ADCY10: variants seen among roughly 807,000 people sequenced by gnomAD.
ADCY10 encodes adenylate cyclase type 10.
ADCY10 carries 156 observed loss-of-function variants against 183.3 expected under a neutral mutation model. The observed-to-expected ratio is 0.85, with a 90% confidence interval of 0.75 to 0.97. The LOEUF is 0.97. Among genes scored for constraint, ADCY10 ranks in the 50% least tolerant of loss-of-function variants. The pLI is 0.00. For missense variants in ADCY10, 1,745 were observed against 1,934.3 expected (o/e 0.90, Z 1.84); for synonymous variants, 645 against 670.0 (o/e 0.96, Z 0.58).
intron 31 of ADCY10, among the ~76,000 whole-genome samples, chr1:167,814,928 C>G (rs976910938): frequency 2.0e-5 from 3 of 152,122 alleles, no homozygotes; most frequent in Non-Finnish European, 2.9e-5. Flanking sequence ...GAGTTCAGGA[C>G]CAGCCTGGCC....
intron 17 of ADCY10, 144 bp downstream of exon 17, chr1:167,856,021 A>G: frequency 1.1e-6 from 1 of 931,996 alleles, no homozygotes; most frequent in Non-Finnish European, 1.6e-6. Flanking sequence ...ACAGAAAAAA[A>G]GAAAAGAAAA....
intron 32 of ADCY10, among the ~76,000 whole-genome samples, chr1:167,810,304 C>G (rs1364379583): frequency 1.3e-5 from 2 of 152,138 alleles, no homozygotes; most frequent in Non-Finnish European, 1.5e-5. Flanking sequence ...CCAGAAAGGC[C>G]TATGGTGACT....
In ADCY10 at chr1:167,820,420, A is replaced by C. The variant is rs567103310; in HGVS notation, c.4286+1604T>G. 5.4e-5 allele frequency: 28 copies of C among 520,264 alleles called. No homozygotes were observed. In the South Asian group the frequency reaches 8.0e-4, roughly 15 times the overall value. The allele number at this position is 520,264 out of a possible 1,614,324, so 32.2% of individuals were successfully genotyped here. A position where few individuals can be genotyped will look rare whatever the true frequency, so the allele number is the denominator to read the frequency against. ...CCCGAGAGCTGGCCGACTGCCCTCC[A>C]GGTGATTTTTATGCCCACTAAAGTC... On this transcript the variant is annotated intron_variant, in intron 30 of 32. Transcript: ENST00000367851.
Position 167,822,013 on chromosome 1 carries a change from C to T in ADCY10, c.4286+11G>A. On this transcript the variant is annotated intron_variant, in intron 30 of 32. Coordinates refer to ENST00000367851, the MANE Select transcript of ADCY10 (RefSeq NM_018417.6). ...ACTTTGGGAATTTAGTGATATGCCA[C>T]ACATTGTTACCAGATAGCTACAGAG... 1 of 1,500,112 alleles carries T rather than the reference C, an allele frequency of 6.7e-7. No homozygotes were observed. Among genetic ancestry groups the T allele is most frequent in the Non-Finnish European group, 9.3e-7 (1 of 1,076,362 alleles). The allele number at this position is 1,500,112 out of a possible 1,614,324, so 92.9% of individuals were successfully genotyped here. A position where few individuals can be genotyped will look rare whatever the true frequency, so the allele number is the denominator to read the frequency against.
At chr1:167,837,583 T>A (rs971380126) in intron 21 of ADCY10, among the ~76,000 whole-genome samples, 1 of 152,198 alleles carries the variant, frequency 6.6e-6, no homozygotes, top group Non-Finnish European at 1.5e-5. Context: ...AAGCAAGTAA[T>A]TCTAAGAACC....
In ADCY10 at chr1:167,855,064, T is replaced by A. The variant is rs541743279; in HGVS notation, c.2172-575A>T. On this transcript the variant is annotated intron_variant, in intron 17 of 32. Transcript: ENST00000367851. ...AGCCAGGCTCGGTGGCTCACGCCTGTAATCCCAGCACTTTGGGAGGCCGAG... is the reference window on the plus strand; with the variant it reads ...AGCCAGGCTCGGTGGCTCACGCCTGAAATCCCAGCACTTTGGGAGGCCGAG... 2.6e-5 allele frequency among the ~76,000 whole-genome samples: 4 copies of A among 152,280 alleles called. No individual in the cohort carries two copies. The East Asian group carries it at 7.7e-4, about 29-fold the overall frequency.
intron 10 of ADCY10, 52 bp from the exon 11 acceptor site, chr1:167,880,243 T>C (rs776898087): frequency 9.8e-5 from 146 of 1,486,556 alleles, no homozygotes; most frequent in Middle Eastern, 1.7e-4. Context: ...ATAATGAGCG[T>C]AGAGAAAGTG....
rs1344873248 is a variant in ADCY10, at chr1:167,846,121, G to A, written c.2580C>T (p.Thr860=). 7.4e-6 allele frequency: 12 copies of A among 1,614,116 alleles called. No individual in the cohort carries two copies. Among genetic ancestry groups the A allele is most frequent in the Non-Finnish European group, 9.3e-6 (11 of 1,180,000 alleles). The change falls in exon 20 of 33, where the codon ACC becomes ACT. Residue 860 remains threonine, a synonymous_variant. Transcript: ENST00000367851. ...TGTTAGATTCCACTAGGGTTGCCAG[G>A]GTCTTGATCATCATCTTCATATTCC... ...PCWNMKMMIK[T]LATLVESNIF...
chr1:167,858,244 A>T (rs2102033845), intron 16 of ADCY10, among the ~76,000 whole-genome samples: 1 of 152,214 alleles, frequency 6.6e-6, no homozygotes, highest in South Asian at 2.1e-4. Flanking sequence ...TCACACCTGT[A>T]ATCCCAGCAC....
rs1558224239 is a variant in ADCY10 at position 167,878,881 on chromosome 1, G to C, written c.1217-246C>G. On this transcript the variant is annotated intron_variant, in intron 11 of 32. Transcript: ENST00000367851. ...AGGTCAAGAGAATGACCTGCTCAGGGATGGAAGGGGCTTGAGTATGGAGCA... is the reference window on the plus strand; with the variant it reads ...AGGTCAAGAGAATGACCTGCTCAGGCATGGAAGGGGCTTGAGTATGGAGCA... Among the ~76,000 whole-genome samples the C allele has an allele frequency of 2.0e-5, 3 of 152,306 alleles. No individual in the cohort carries two copies. In the South Asian group the frequency reaches 6.2e-4, roughly 32 times the overall value.
chr1:167,877,298 T>G (rs1667540489), intron 12 of ADCY10, among the ~76,000 whole-genome samples: 1 of 150,788 alleles, frequency 6.6e-6, no homozygotes, highest in Admixed American at 6.7e-5. Context: ...ACCTGATGTT[T>G]AATAAGTACT....
chr1:167,878,901 G>C (rs1667680867), intron 11 of ADCY10, among the ~76,000 whole-genome samples: 1 of 152,200 alleles, frequency 6.6e-6, no homozygotes, highest in East Asian at 1.9e-4. Flanking sequence ...GCTTGAGTAT[G>C]GAGCAGGCTC....
chr1:167,816,479 G>A (rs1473212718), intron 31 of ADCY10, among the ~76,000 whole-genome samples: 1 of 152,160 alleles, frequency 6.6e-6, no homozygotes, highest in African/African-American at 2.4e-5. Context: ...CCAGGAGGTG[G>A]AGGTTGCAGT....
chr1:167,870,295 A>G lies in ADCY10; in HGVS notation c.1578T>C (p.Leu526=). 6.2e-7 allele frequency: 1 copy of G among 1,614,024 alleles called. No homozygotes were observed. Among genetic ancestry groups the G allele is most frequent in the Non-Finnish European group, 8.5e-7 (1 of 1,179,988 alleles). Residue 526 remains leucine, a synonymous_variant, in exon 14 of 33, where the codon CTT becomes CTC. Coordinates refer to ENST00000367851, the MANE Select transcript of ADCY10 (RefSeq NM_018417.6). ...CTTGGGCCAGGTACTCAATTTTCATAAGTATCTGGCTTTTTCCATATCCTG... is the reference window on the plus strand; with the variant it reads ...CTTGGGCCAGGTACTCAATTTTCATGAGTATCTGGCTTTTTCCATATCCTG... ...GLPGYGKSQI[L]MKIEYLAQGK...
chr1:167,823,586 CTA>C (rs1157341926), intron 28 of ADCY10, among the ~76,000 whole-genome samples: 6 of 152,050 alleles, frequency 3.9e-5, no homozygotes, highest in African/African-American at 1.4e-4. Flanking sequence ...TAAAATTCAT[CTA>C]TGTGACCGAA....
chr1:167,882,417 G>A (rs1246783427), intron 9 of ADCY10, among the ~76,000 whole-genome samples: 2 of 150,724 alleles, frequency 1.3e-5, no homozygotes, highest in Admixed American at 6.6e-5. Flanking sequence ...CCCGGGAGGC[G>A]GAGGTTTCAG....
rs188983779 is a variant in ADCY10 at position 167,865,088 on chromosome 1, A to C, written c.1617-4025T>G. ...CGATGTTATAAAAAATTTATGCAAA[A>C]AATATTGTATAATTTGAAAGTAATA... On this transcript the variant is annotated intron_variant, in intron 14 of 32. Coordinates refer to ENST00000367851, the MANE Select transcript of ADCY10 (RefSeq NM_018417.6). 4.6e-3 allele frequency among the ~76,000 whole-genome samples: 701 copies of C among 152,330 alleles called. 3 individuals are homozygous for C. Among genetic ancestry groups the C allele is most frequent in the African/African-American group, 0.015 (633 of 41,578 alleles).
chr1:167,862,507 AGAG>A (rs1666357242), intron 14 of ADCY10, among the ~76,000 whole-genome samples: 1 of 152,210 alleles, frequency 6.6e-6, no homozygotes. Context: ...CTCATGGTCC[AGAG>A]AAGAAAAGAT....
At chr1:167,811,063 G>A (rs191374721) in intron 31 of ADCY10, 150 bp from the exon 32 acceptor site, 25 of 750,984 alleles carry the variant, frequency 3.3e-5, no homozygotes, top group Non-Finnish European at 2.2e-6. Flanking sequence ...AGTAGGTATT[G>A]GAGATAAGAC....
Sources: gnomAD v4.1 joint callset for allele counts (sites outside exome capture counted in the v4.1 genomes callset) on GRCh38, gnomAD v4.1.1 for gene constraint, MANE v1.5 for transcripts, NCBI Gene and HGNC (gene_info 2026-07-23, HGNC 2026-07-21) for gene names.